STARD13: variants seen among roughly 807,000 people sequenced by gnomAD.
The protein encoded by STARD13 is stAR-related lipid transfer protein 13.
STARD13 carries 62 observed loss-of-function variants against 106.4 expected under a neutral mutation model. The ratio of observed to expected loss-of-function variants is 0.58; its 90% CI spans 0.48 to 0.72. The LOEUF is 0.72. Ranked by LOEUF, STARD13 falls within the 30% of genes least tolerant of loss-of-function variation. The probability of loss-of-function intolerance (pLI) is 0.00; values close to 1 mark genes in which losing one functional copy is unlikely to be tolerated. For missense variants in STARD13, 1,387 were observed against 1,424.0 expected (o/e 0.97, Z 0.42); for synonymous variants, 565 against 553.0 (o/e 1.02, Z -0.31).
the STARD13 span, among the ~76,000 whole-genome samples, chr13:33,370,541 A>G: frequency 6.6e-6 from 1 of 152,144 alleles, no homozygotes; most frequent in Non-Finnish European, 1.5e-5. Flanking sequence ...ATTCTTATGT[A>G]AAACAAAATT....
At chr13:33,665,505 A>T in the STARD13 span, among the ~76,000 whole-genome samples, 1 of 152,234 alleles carries the variant, frequency 6.6e-6, no homozygotes, top group South Asian at 2.1e-4. Flanking sequence ...CTCGATGAGC[A>T]GTTAAATGAC....
At chr13:33,392,154 G>T in the STARD13 span, among the ~76,000 whole-genome samples, 1 of 152,050 alleles carries the variant, frequency 6.6e-6, no homozygotes, top group Non-Finnish European at 1.5e-5. Context: ...TGCACAGAGG[G>T]CCCCTAGGGT....
intron 4 of STARD13, among the ~76,000 whole-genome samples, chr13:33,131,579 T>C (rs759219731): frequency 5.9e-5 from 9 of 152,028 alleles, no homozygotes; most frequent in Non-Finnish European, 1.3e-4. Context: ...TGAGACACTA[T>C]CTCAAAAAAA....
chr13:33,542,274 G>C, the STARD13 span, among the ~76,000 whole-genome samples: 2 of 152,068 alleles, frequency 1.3e-5, no homozygotes, highest in African/African-American at 4.8e-5. Flanking sequence ...GGGAAGGCTG[G>C]GTCCATCTTA....
chr13:33,595,900 A>G, the STARD13 span, among the ~76,000 whole-genome samples: 1 of 152,184 alleles, frequency 6.6e-6, no homozygotes, highest in African/African-American at 2.4e-5. Flanking sequence ...ATTTCTGCTA[A>G]TTGTCCTGAA....
At chr13:33,508,324 G>T in the STARD13 span, among the ~76,000 whole-genome samples, 1 of 152,174 alleles carries the variant, frequency 6.6e-6, no homozygotes, top group Non-Finnish European at 1.5e-5. Context: ...CTAACCCTGC[G>T]GATGCAGCCT....
At chr13:33,566,737 T>A in the STARD13 span, among the ~76,000 whole-genome samples, 4 of 147,602 alleles carry the variant, frequency 2.7e-5, no homozygotes, top group Non-Finnish European at 6.0e-5. Flanking sequence ...CAGTCGCAAG[T>A]CTTTTATAGA....
intron 1 of STARD13, among the ~76,000 whole-genome samples, chr13:33,311,638 C>T (rs370516633): frequency 2.0e-5 from 3 of 152,218 alleles, no homozygotes; most frequent in African/African-American, 4.8e-5. Context: ...ATCTTATTTA[C>T]GTATTTCATC....
At chr13:33,194,007 G>GT (rs5802672) in intron 1 of STARD13, among the ~76,000 whole-genome samples, 1 of 151,936 alleles carries the variant, frequency 6.6e-6, no homozygotes, top group Non-Finnish European at 1.5e-5. Context: ...TTTTCAGGTT[G>GT]TTTTTTTCCT....
chr13:33,371,142 G>T, the STARD13 span, among the ~76,000 whole-genome samples: 22,747 of 152,122 alleles, frequency 0.15, 1,810 homozygotes, highest in Middle Eastern at 0.2. Flanking sequence ...TGAGCAAAGA[G>T]ATACTCTGAA....
At chr13:33,445,035 C>T in the STARD13 span, among the ~76,000 whole-genome samples, 529 of 152,250 alleles carry the variant, frequency 3.5e-3, 1 homozygote, top group Non-Finnish European at 5.7e-3. Flanking sequence ...TACAGAACTG[C>T]GCTAAGTAAC....
the STARD13 span, chr13:33,520,135 T>C: frequency 6.6e-6 from 1 of 152,246 alleles, no homozygotes; most frequent in East Asian, 1.9e-4. Context: ...AGAGGAAACA[T>C]GTGATCAGTA....
the STARD13 span, among the ~76,000 whole-genome samples, chr13:33,450,445 A>G: frequency 6.6e-6 from 1 of 152,168 alleles, no homozygotes; most frequent in Non-Finnish European, 1.5e-5. Context: ...TGATATTTTT[A>G]ATGTGCTGCT....
chr13:33,605,643 C>T, the STARD13 span, among the ~76,000 whole-genome samples: 3 of 152,166 alleles, frequency 2.0e-5, no homozygotes, highest in East Asian at 1.9e-4. Context: ...CTTTGAATAG[C>T]GCTGTTCTAG....
chr13:33,137,783 C>T (rs1879249583), intron 4 of STARD13, among the ~76,000 whole-genome samples: 1 of 152,180 alleles, frequency 6.6e-6, no homozygotes, highest in Non-Finnish European at 1.5e-5. Context: ...AGGACATTCG[C>T]ATGTAATTAT....
At chr13:33,321,109 CTGAA>C (rs1482667244) in intron 1 of STARD13, among the ~76,000 whole-genome samples, 6 of 152,144 alleles carry the variant, frequency 3.9e-5, no homozygotes. Flanking sequence ...TTAAAACTGA[CTGAA>C]TATTTCTGAG....
intron 3 of STARD13, among the ~76,000 whole-genome samples, chr13:33,142,765 G>C (rs1009123850): frequency 1.3e-5 from 2 of 152,156 alleles, no homozygotes; most frequent in African/African-American, 4.8e-5. Context: ...ACACAACCGT[G>C]TATCTTCTCT....
intron 1 of STARD13, among the ~76,000 whole-genome samples, chr13:33,234,091 C>A (rs1889066683): frequency 6.6e-6 from 1 of 152,300 alleles, no homozygotes; most frequent in South Asian, 2.1e-4. Context: ...TGGCTTATAG[C>A]ATACGTACAA....
chr13:33,552,990 G>C, the STARD13 span, among the ~76,000 whole-genome samples: 5 of 152,026 alleles, frequency 3.3e-5, no homozygotes, highest in African/African-American at 4.8e-5. Flanking sequence ...AAGCTACACT[G>C]TACTAGCTAA....
Sources: allele counts gnomAD v4.1 joint callset (sites outside exome capture counted in the v4.1 genomes callset), GRCh38; gene constraint gnomAD v4.1.1; transcripts MANE v1.5; gene names NCBI Gene and HGNC (gene_info 2026-07-23, HGNC 2026-07-21).